The following KIZ variants were observed in gnomAD, a reference collection of about 807,000 sequenced individuals.
KIZ encodes the protein centrosomal protein kizuna.
Under a neutral mutation model 79.6 loss-of-function variants are expected in KIZ, and 68 were observed. That is an observed-to-expected ratio of 0.85 (90% CI 0.70 to 1.05). The LOEUF is 1.05. KIZ is among the 50% of genes least tolerant of loss of function. KIZ has a pLI of 0.00. For synonymous variants in KIZ, 280 were observed against 281.8 expected (o/e 0.99, Z 0.06); for missense variants, 797 against 800.4 (o/e 1.00, Z 0.05).
intron 12 of KIZ, chr20:21,246,108 G>A: frequency 4.6e-6 from 1 of 218,130 alleles, no homozygotes; most frequent in Non-Finnish European, 9.0e-6. Context: ...AAGAAGAATG[G>A]GAGATGAAAG....
At chr20:21,150,081 A>G (rs996550088) in intron 4 of KIZ, among the ~76,000 whole-genome samples, 6 of 152,166 alleles carry the variant, frequency 3.9e-5, no homozygotes, top group African/African-American at 1.4e-4. Context: ...GGCATGCCTC[A>G]GGGATATCCC....
intron 9 of KIZ, among the ~76,000 whole-genome samples, chr20:21,218,808 G>T (rs2036398038): frequency 6.6e-6 from 1 of 152,158 alleles, no homozygotes; most frequent in Admixed American, 6.5e-5. Flanking sequence ...TTTGTGGGGA[G>T]CTCCCTTGTG....
chr20:21,152,131 T>C (rs2033151334), intron 4 of KIZ, among the ~76,000 whole-genome samples: 1 of 152,200 alleles, frequency 6.6e-6, no homozygotes, highest in Non-Finnish European at 1.5e-5. Flanking sequence ...AGGAATTAGT[T>C]GTCCTGGGTT....
chr20:21,142,492 G>A (rs966700130), intron 3 of KIZ, among the ~76,000 whole-genome samples: 3 of 152,002 alleles, frequency 2.0e-5, no homozygotes, highest in Non-Finnish European at 2.9e-5. Context: ...AACTAATGTG[G>A]TATTGATGAT....
At chr20:21,146,090 A>G (rs1292899431) in intron 4 of KIZ, among the ~76,000 whole-genome samples, 2 of 152,244 alleles carry the variant, frequency 1.3e-5, no homozygotes, top group Non-Finnish European at 2.9e-5. Context: ...ATAGACAAAA[A>G]GATCGACAAG....
intron 9 of KIZ, among the ~76,000 whole-genome samples, chr20:21,223,150 C>T (rs2036555031): frequency 1.3e-5 from 2 of 152,164 alleles, no homozygotes; most frequent in Admixed American, 1.3e-4. Context: ...TAAAATACAG[C>T]TTTCTGATGA....
chr20:21,128,959 T>C (rs1244893712), intron 1 of KIZ, among the ~76,000 whole-genome samples: 5 of 152,204 alleles, frequency 3.3e-5, no homozygotes, highest in African/African-American at 1.2e-4. Flanking sequence ...ACCACTTAGC[T>C]GTGTAAAACT....
intron 6 of KIZ, among the ~76,000 whole-genome samples, chr20:21,187,910 G>A (rs2034952447): frequency 2.0e-5 from 3 of 152,168 alleles, no homozygotes; most frequent in Non-Finnish European, 1.5e-5. Context: ...AAGGCATAAA[G>A]TTGTATGATA....
intron 6 of KIZ, among the ~76,000 whole-genome samples, chr20:21,165,245 A>G (rs6035795): frequency 0.63 from 95,978 of 152,052 alleles, 30,729 homozygotes; most frequent in South Asian, 0.78. Context: ...CCAGAATGTA[A>G]AATCTGCGCA....
chr20:21,206,589 G>T (rs1295981115), intron 7 of KIZ, among the ~76,000 whole-genome samples: 1 of 152,236 alleles, frequency 6.6e-6, no homozygotes, highest in Non-Finnish European at 1.5e-5. Context: ...TCAAGTCTGG[G>T]GATGGTGAGA....
chr20:21,214,472 G>C, intron 7 of KIZ, 63 bp from the exon 8 acceptor site: 1 of 1,198,448 alleles, frequency 8.3e-7, no homozygotes, highest in Non-Finnish European at 1.2e-6. Flanking sequence ...CTATCTTTGA[G>C]ACCAAGAGGA....
chr20:21,186,440 C>G (rs559475904), intron 6 of KIZ, among the ~76,000 whole-genome samples: 7 of 151,546 alleles, frequency 4.6e-5, no homozygotes, highest in Non-Finnish European at 1.0e-4. Flanking sequence ...GTCCACTTAC[C>G]CGGAATTGGG....
intron 6 of KIZ, chr20:21,194,161 T>C (rs2123058721): frequency 6.6e-6 from 1 of 152,344 alleles, no homozygotes; most frequent in East Asian, 1.9e-4. Context: ...ATTTATTATG[T>C]GCTTTAACTG....
At chr20:21,217,164 G>A (rs78197958) in intron 9 of KIZ, among the ~76,000 whole-genome samples, 3,223 of 152,208 alleles carry the variant, frequency 0.021, 102 homozygotes, top group African/African-American at 0.069. Flanking sequence ...TAAAAACTTA[G>A]CAAAGCCATA....
chr20:21,135,936 A>G (rs1213657249), intron 2 of KIZ, among the ~76,000 whole-genome samples: 2 of 152,142 alleles, frequency 1.3e-5, no homozygotes, highest in Non-Finnish European at 2.9e-5. Context: ...GGTATTTTAC[A>G]TTTTTAAATT....
At chr20:21,169,427 C>T (rs1345378480) in intron 6 of KIZ, among the ~76,000 whole-genome samples, 1 of 151,810 alleles carries the variant, frequency 6.6e-6, no homozygotes, top group Non-Finnish European at 1.5e-5. Context: ...AGTCAGGAAA[C>T]AACAGGTGCT....
At chr20:21,215,958 G>A (rs373333388) in intron 9 of KIZ, among the ~76,000 whole-genome samples, 138 of 152,234 alleles carry the variant, frequency 9.1e-4, no homozygotes, top group South Asian at 3.9e-3. Context: ...GGGAACACCC[G>A]GTCATTACAC....
Position 21,214,519 on chromosome 20 carries a change from T to C in KIZ, c.1447-16T>C. 6.3e-7 allele frequency: 1 copy of C among 1,582,964 alleles called. No individual in the cohort carries two copies. The highest frequency in any genetic ancestry group is 1.1e-5 in the South Asian group (1 of 87,638). Reference sequence around the variant, plus strand: ...GTTTGTTTTTATTTCTTTGTGCTTTTTTTGAAACACTGTAGGCAACAGCAT... The same window carrying C: ...GTTTGTTTTTATTTCTTTGTGCTTTCTTTGAAACACTGTAGGCAACAGCAT... On this transcript the variant is annotated splice_polypyrimidine_tract_variant and intron_variant, in intron 7 of 12. Coordinates refer to ENST00000619189, the MANE Select transcript of KIZ (RefSeq NM_018474.6).
At chr20:21,137,670 G>T (rs2032275674) in intron 3 of KIZ, among the ~76,000 whole-genome samples, 1 of 151,852 alleles carries the variant, frequency 6.6e-6, no homozygotes, top group Non-Finnish European at 1.5e-5. Context: ...GTCTGCTGCA[G>T]GCATCATGAC....
Sources: gnomAD v4.1 joint callset for allele counts (sites outside exome capture counted in the v4.1 genomes callset) on GRCh38, gnomAD v4.1.1 for gene constraint, MANE v1.5 for transcripts, NCBI Gene and HGNC (gene_info 2026-07-23, HGNC 2026-07-21) for gene names.